NR2C1: variants seen among roughly 807,000 people sequenced by gnomAD.
The protein encoded by NR2C1 is TR2 nuclear hormone receptor.
In NR2C1, 33 loss-of-function variants were observed where a neutral mutation model predicts 74.8. The observed-to-expected ratio is 0.44, with a 90% CI of 0.33 to 0.59. The LOEUF (loss-of-function observed/expected upper bound fraction) is 0.59. Among genes scored for constraint, NR2C1 ranks in the 20% least tolerant of loss-of-function variants. The pLI, the probability that NR2C1 is intolerant of heterozygous loss-of-function variation, is 0.02. For missense variants in NR2C1, 568 were observed against 715.6 expected (o/e 0.79, Z 2.35); for synonymous variants, 225 against 240.6 (o/e 0.94, Z 0.60).
intron 12 of NR2C1, chr12:95,026,718 C>G (rs1181471820): frequency 6.6e-6 from 1 of 152,056 alleles, no homozygotes; most frequent in Admixed American, 6.6e-5. Flanking sequence ...CAGAAAGAAG[C>G]AGGTTTCCTC....
Position 95,059,984 on chromosome 12 carries a change from GCTA to G in NR2C1, c.286-3_286-1del. 1 of 1,071,790 alleles carries G rather than the reference GCTA, an allele frequency of 9.3e-7. No homozygotes were observed. Among genetic ancestry groups the G allele is most frequent in the Non-Finnish European group, 1.3e-6 (1 of 788,252 alleles). 66.4% of individuals were successfully genotyped at this position (1,071,790 alleles called of 1,614,324 possible). On this transcript the variant is annotated splice_acceptor_variant and splice_polypyrimidine_tract_variant and intron_variant, in intron 3 of 13. Transcript: ENST00000333003. LOFTEE classifies it high-confidence loss of function. ...TGGTCTGGAGAATTATCTGTTAGGA[GCTA>G]AAAAAAAAAAAAAAAAAAAAGAAAA... is the stretch of plus-strand genomic sequence containing the variant.
intron 7 of NR2C1, among the ~76,000 whole-genome samples, chr12:95,055,858 C>A (rs1208576679): frequency 6.9e-6 from 1 of 144,124 alleles, no homozygotes; most frequent in Admixed American, 7.4e-5. Flanking sequence ...GAGGCTGAGG[C>A]AGGAGAATGG....
intron 11 of NR2C1, chr12:95,030,412 A>C: frequency 1.6e-6 from 2 of 1,283,986 alleles, no homozygotes; most frequent in Non-Finnish European, 2.0e-6. Context: ...AGCAGAATAA[A>C]GTTTTACAAT....
At chr12:95,059,877 T>C in intron 4 of NR2C1, 29 bp downstream of exon 4, 1 of 1,504,148 alleles carries the variant, frequency 6.6e-7, no homozygotes, top group Non-Finnish European at 9.0e-7. Flanking sequence ...TTTTTTTTTC[T>C]GTTTTTAGGA....
At chr12:95,039,377 C>T (rs1296452925) in intron 10 of NR2C1, among the ~76,000 whole-genome samples, 1 of 152,124 alleles carries the variant, frequency 6.6e-6, no homozygotes, top group Non-Finnish European at 1.5e-5. Flanking sequence ...AATGGAAGAA[C>T]AGGTATACAG....
intron 9 of NR2C1, among the ~76,000 whole-genome samples, chr12:95,042,468 C>A (rs1259137510): frequency 1.3e-5 from 2 of 152,026 alleles, no homozygotes; most frequent in Non-Finnish European, 2.9e-5. Flanking sequence ...CCGCCTGGGC[C>A]TCCTAAAGTG....
In NR2C1 at chr12:95,023,451, C is replaced by G. The variant is rs140748812; in HGVS notation, c.1638-1048G>C. ...TAAAAATGGCAATGTTTTGTGTTAT[C>G]AGGACATAAGACATTTTCTTGGTTT... On this transcript the variant is annotated intron_variant, in intron 13 of 13. Transcript: ENST00000333003. 6.6e-5 allele frequency among the ~76,000 whole-genome samples: 10 copies of G among 152,330 alleles called. No homozygotes were observed. In the East Asian group the frequency reaches 1.9e-3, roughly 29 times the overall value.
At chr12:95,025,079 T>A (rs2136089179) in intron 13 of NR2C1, 71 bp downstream of exon 13, 1 of 644,914 alleles carries the variant, frequency 1.6e-6, no homozygotes, top group Non-Finnish European at 2.6e-6. Flanking sequence ...GTGAGAGTAG[T>A]AATAATGAGA....
chr12:95,062,921 C>T, intron 2 of NR2C1, 183 bp from the exon 3 acceptor site: 1 of 601,284 alleles, frequency 1.7e-6, no homozygotes, highest in Non-Finnish European at 2.9e-6. Context: ...AACAAAGGTA[C>T]AATAGTAAGA....
At position 95,057,789 on chromosome 12, in the gene NR2C1, C is replaced by T; in HGVS notation, c.634G>A (p.Asp212Asn). 1 of 1,614,102 alleles carries T rather than the reference C, an allele frequency of 6.2e-7. No homozygotes were observed. Among genetic ancestry groups the T allele is most frequent in the Non-Finnish European group, 8.5e-7 (1 of 1,180,016 alleles). The change falls in exon 6 of 14, where the codon GAC becomes AAC. Residue 212 changes from aspartate to asparagine, a missense_variant. This residue lies in a region of NR2C1 where 239 missense variants were observed against 232.3 expected (regional missense o/e 1.03). Coordinates refer to ENST00000333003, the MANE Select transcript of NR2C1 (RefSeq NM_003297.4). ...GTTGCAGTTAATGGGCTACGAAGGT[C>T]CTTTCGGATATAGATTTTTTCTGTT... ...ASTEKIYIRK[D>N]LRSPLTATPT...
intron 2 of NR2C1, among the ~76,000 whole-genome samples, chr12:95,066,019 C>A (rs1875638959): frequency 1.3e-5 from 2 of 151,776 alleles, no homozygotes; most frequent in South Asian, 4.2e-4. Flanking sequence ...CTAATTCATT[C>A]ATCCTATTTT....
chr12:95,069,807 C>T (rs1876317583), intron 1 of NR2C1, among the ~76,000 whole-genome samples: 1 of 152,076 alleles, frequency 6.6e-6, no homozygotes, highest in Non-Finnish European at 1.5e-5. Context: ...TCCATCCATC[C>T]ATCCAACACT....
chr12:95,034,478 G>T (rs1870563076), intron 10 of NR2C1, among the ~76,000 whole-genome samples: 1 of 152,130 alleles, frequency 6.6e-6, no homozygotes, highest in Non-Finnish European at 1.5e-5. Context: ...ATACACTGCT[G>T]ACGTGAACAT....
At chr12:95,048,830 G>A (rs533494014) in intron 9 of NR2C1, among the ~76,000 whole-genome samples, 2 of 151,972 alleles carry the variant, frequency 1.3e-5, no homozygotes, top group Non-Finnish European at 2.9e-5. Context: ...CTCCATGTTG[G>A]TCAGGCTGGT....
intron 3 of NR2C1, among the ~76,000 whole-genome samples, chr12:95,061,759 C>A (rs961242763): frequency 2.0e-5 from 3 of 152,156 alleles, no homozygotes; most frequent in African/African-American, 7.2e-5. Flanking sequence ...TGAAGGCAAA[C>A]TTCAGAGTAC....
intron 10 of NR2C1, 101 bp from the exon 11 acceptor site, chr12:95,031,589 CTA>C (rs1555204941): frequency 2.5e-6 from 2 of 809,628 alleles, no homozygotes; most frequent in Non-Finnish European, 3.5e-6. Context: ...TATTACTAAA[CTA>C]AAATTATTCT....
intron 1 of NR2C1, among the ~76,000 whole-genome samples, chr12:95,067,607 G>A (rs962146663): frequency 2.6e-5 from 4 of 151,384 alleles, no homozygotes; most frequent in Non-Finnish European, 5.9e-5. Context: ...GGCCCACCCA[G>A]GCTGGAGTGT....
chr12:95,069,804 A>G (rs79241850), intron 1 of NR2C1, among the ~76,000 whole-genome samples: 2,549 of 152,182 alleles, frequency 0.017, 57 homozygotes, highest in Middle Eastern at 0.068. Context: ...GCATCCATCC[A>G]TCCATCCAAC....
At chr12:95,048,693 C>T (rs1239069008) in intron 9 of NR2C1, among the ~76,000 whole-genome samples, 5 of 146,756 alleles carry the variant, frequency 3.4e-5, no homozygotes, top group Non-Finnish European at 5.9e-5. Context: ...GGCGTGATCT[C>T]GGTTCACCAT....
Sources: gnomAD v4.1 joint callset for allele counts (sites outside exome capture counted in the v4.1 genomes callset) on GRCh38, gnomAD v4.1.1 for gene constraint, gnomAD v4.1.1 regional missense constraint, MANE v1.5 for transcripts, NCBI Gene and HGNC (gene_info 2026-07-23, HGNC 2026-07-21) for gene names.